The following BRME1 variants were observed in gnomAD, a reference collection of about 807,000 sequenced individuals.
BRME1 encodes the protein BRCA2 and MEILB2-associating protein 1.
A neutral mutation model predicts 52.6 loss-of-function variants in BRME1; 31 were observed. The observed-to-expected ratio is 0.59, with a 90% CI of 0.44 to 0.80. The LOEUF is 0.80. Among genes scored for constraint, BRME1 ranks in the 30% least tolerant of loss-of-function variants. The probability of loss-of-function intolerance (pLI) is 0.00; values close to 1 mark genes in which losing one functional copy is unlikely to be tolerated. For synonymous variants in BRME1, 359 were observed against 353.6 expected, an observed-to-expected ratio of 1.02 and a Z score of -0.17; for missense variants, 804 against 860.3, an observed-to-expected ratio of 0.93 and a Z score of 0.82.
At chr19:13,896,215 A>G (rs955685241) in intron 2 of BRME1, among the ~76,000 whole-genome samples, 5 of 151,820 alleles carry the variant, frequency 3.3e-5, no homozygotes, top group Non-Finnish European at 5.9e-5. Flanking sequence ...AGTTGCAGTG[A>G]GCTGAGATTG....
chr19:13,895,221 C>T (rs1039358947), intron 3 of BRME1, 151 bp downstream of exon 3: 9 of 720,246 alleles, frequency 1.2e-5, no homozygotes, highest in African/African-American at 1.1e-4. Flanking sequence ...CTAGGAGAAG[C>T]GAGATCCGAG....
At chr19:13,902,901 G>T (rs905436376) in intron 2 of BRME1, among the ~76,000 whole-genome samples, 1 of 151,518 alleles carries the variant, frequency 6.6e-6, no homozygotes, top group Non-Finnish European at 1.5e-5. Context: ...CTCCAGCCTG[G>T]GCAACAAGAG....
At chr19:13,891,394 C>G (rs1183351640) in intron 5 of BRME1, among the ~76,000 whole-genome samples, 1 of 151,958 alleles carries the variant, frequency 6.6e-6, no homozygotes, top group Non-Finnish European at 1.5e-5. Flanking sequence ...GGTGATCTGC[C>G]CATCTCGGCC....
intron 2 of BRME1, among the ~76,000 whole-genome samples, chr19:13,896,260 ACT>A (rs1273787865): frequency 6.6e-6 from 1 of 150,600 alleles, no homozygotes; most frequent in Non-Finnish European, 1.5e-5. Context: ...ACAGAGCGAG[ACT>A]CTGTCTCAAA....
At chr19:13,884,015 G>A (rs954724748) in intron 7 of BRME1, among the ~76,000 whole-genome samples, 2 of 151,952 alleles carry the variant, frequency 1.3e-5, no homozygotes, top group African/African-American at 4.8e-5. Context: ...TCAACTCTGT[G>A]TTTTGTCCCA....
intron 2 of BRME1, 94 bp from the exon 3 acceptor site, chr19:13,895,640 C>G: frequency 1.7e-6 from 2 of 1,143,604 alleles, no homozygotes; most frequent in Admixed American, 2.2e-5. Context: ...CCAGGCTGCA[C>G]GCGAGAAGGG....
At chr19:13,891,152 T>C (rs953254934) in intron 5 of BRME1, among the ~76,000 whole-genome samples, 1 of 150,656 alleles carries the variant, frequency 6.6e-6, no homozygotes, top group Non-Finnish European at 1.5e-5. Context: ...TTATTATTAT[T>C]ATTATTATTA....
chr19:13,889,275 G>T lies in BRME1; in HGVS notation c.1581C>A (p.Asp527Glu). The T allele has an allele frequency of 6.2e-7, 1 of 1,614,142 alleles. No homozygotes were observed. Among genetic ancestry groups the T allele is most frequent in the Non-Finnish European group, 8.5e-7 (1 of 1,180,038 alleles). The change falls in exon 6 of 9, where the codon GAC (aspartate) becomes GAA (glutamate). Residue 527 changes from aspartate to glutamate, a missense_variant. By Grantham distance (45) the Asp-to-Glu change is conservative. Around this residue, in one of 3 missense-constraint regions of BRME1, gnomAD observed 552 missense variants for 561.1 expected, o/e 0.98. Coordinates refer to ENST00000586783, the MANE Select transcript of BRME1 (RefSeq NM_001345843.2). Reference sequence around the variant, plus strand: ...GGAAGTCGAGTTCCACAGCTAAAGAGTCTGCCCAGGTGCCCTGGTCTGCAG... The same window carrying T: ...GGAAGTCGAGTTCCACAGCTAAAGATTCTGCCCAGGTGCCCTGGTCTGCAG... ...PHSADQGTWA[D>E]SLAVELDFLL...
intron 2 of BRME1, among the ~76,000 whole-genome samples, chr19:13,903,996 C>T (rs1342325438): frequency 1.3e-5 from 2 of 152,180 alleles, no homozygotes; most frequent in African/African-American, 2.4e-5. Context: ...CCCTGAAGCC[C>T]GGGGAGGCCT....
rs761798434 is a variant in BRME1, at chr19:13,889,183, C to G, written c.1668+5G>C. On this transcript the variant is annotated splice_donor_5th_base_variant and intron_variant, in intron 6 of 8. Coordinates refer to ENST00000586783, the MANE Select transcript of BRME1 (RefSeq NM_001345843.2). The stretch of plus-strand genomic sequence containing the variant: ...GGTATGTCTGTCACTCAGGGCAGCT[C>G]TCACCTGCTCAGGTGGGGCTTCGAA... 8 of 1,564,018 alleles carry G rather than the reference C, an allele frequency of 5.1e-6. No homozygotes were observed. Among genetic ancestry groups the G allele is most frequent in the Non-Finnish European group, 6.1e-6 (7 of 1,154,262 alleles).
At chr19:13,895,649 G>A in intron 2 of BRME1, 103 bp from the exon 3 acceptor site, 2 of 1,011,346 alleles carry the variant, frequency 2.0e-6, no homozygotes, top group Non-Finnish European at 3.0e-6. Flanking sequence ...ACGCGAGAAG[G>A]GGCCGAATCC....
In BRME1 at chr19:13,883,175, G is replaced by C; in HGVS notation, c.1856+133C>G. 1 of 977,294 alleles carries C rather than the reference G, an allele frequency of 1.0e-6. No individual in the cohort carries two copies. Among genetic ancestry groups the C allele is most frequent in the South Asian group, 1.6e-5 (1 of 63,220 alleles). 60.5% of individuals were successfully genotyped at this position (977,294 alleles called of 1,614,324 possible). A position where few individuals can be genotyped will look rare whatever the true frequency, so the allele number is the denominator to read the frequency against. On this transcript the variant is annotated intron_variant, in intron 8 of 8. Coordinates refer to ENST00000586783, the MANE Select transcript of BRME1 (RefSeq NM_001345843.2). The surrounding 1 kb of genome is among the most constrained non-coding windows in gnomAD (Gnocchi z 4.2). ...GGACGGGGGAGGGGGGCCACGGTGA[G>C]GACCCAGCAGCAGTGAGGTGCCTGA...
intron 3 of BRME1, among the ~76,000 whole-genome samples, chr19:13,894,565 G>A (rs1283547701): frequency 6.6e-6 from 1 of 151,996 alleles, no homozygotes; most frequent in Non-Finnish European, 1.5e-5. Flanking sequence ...ATATCGTTTT[G>A]TTTTGGCTAA....
At chr19:13,892,092 G>A (rs10417814) in intron 5 of BRME1, among the ~76,000 whole-genome samples, 49,464 of 150,408 alleles carry the variant, frequency 0.33, 10,741 homozygotes, top group African/African-American at 0.62. Context: ...AAAAATTATT[G>A]TAGAGACAGA....
Position 13,892,847 on chromosome 19 carries a change from T to C in BRME1, c.332A>G (p.Lys111Arg), listed in dbSNP as rs917474432. 2.5e-6 allele frequency: 4 copies of C among 1,614,094 alleles called. No individual in the cohort carries two copies. The African/African-American group carries it at 4.0e-5, about 16-fold the overall frequency. Residue 111 changes from lysine (K) to arginine (R), a missense_variant, in exon 5 of 9, where the codon AAG becomes AGG. By Grantham distance (26) the Lys-to-Arg change is conservative (BLOSUM62 2). Around this residue, in one of 3 missense-constraint regions of BRME1, gnomAD observed 234 missense variants for 258.1 expected, o/e 0.91. Transcript: ENST00000586783. ...RFVPQFAKSR[K>R]TVTRKEEMKD... The stretch of plus-strand genomic sequence containing the variant: ...CATCTCTTCTTTTCTTGTCACTGTC[T>C]TCCTGGATTTTGCAAACTGGGGAAC...
At position 13,889,826 on chromosome 19, in the gene BRME1, T is replaced by C. The variant is rs760291585; in HGVS notation, c.1030A>G (p.Thr344Ala). The C allele has an allele frequency of 3.1e-6, 5 of 1,613,062 alleles. No individual in the cohort carries two copies. The highest frequency in any genetic ancestry group is 2.5e-6 in the Non-Finnish European group (3 of 1,179,958). ...LGMVVIADLS[T>A]DPTELEERAL... ...CTCTCTTCCAGCTCAGTGGGGTCTG[T>C]GCTCAGGTCTGCGATGACAACCATC... is the stretch of plus-strand genomic sequence containing the variant. Residue 344 changes from threonine (T) to alanine (A), a missense_variant, in exon 6 of 9, where the codon ACA becomes GCA. Thr to Ala is a moderately conservative substitution (Grantham distance 58). Around this residue, in one of 3 missense-constraint regions of BRME1, gnomAD observed 552 missense variants for 561.1 expected, o/e 0.98. Transcript: ENST00000586783.
At position 13,882,634 on chromosome 19, in the gene BRME1, C is replaced by T. The variant is rs1182089226; in HGVS notation, c.*168G>A. 7 of 813,032 alleles carry T rather than the reference C, an allele frequency of 8.6e-6. No individual in the cohort carries two copies. The highest frequency in any genetic ancestry group is 1.4e-5 in the Non-Finnish European group (7 of 514,206). The allele number at this position is 813,032 out of a possible 1,614,324, so 50.4% of individuals were successfully genotyped here. ...GGTGGCAAATGACCTTGACCCTGGC[C>T]AGGTGAGGCCAGGACCTCACGGCCT... On this transcript the variant is annotated 3_prime_UTR_variant, in exon 9 of 9. Transcript: ENST00000586783.
chr19:13,882,831 G>A lies in BRME1; in HGVS notation c.1978C>T (p.Arg660Ter), dbSNP rs756994697. 14 of 1,613,888 alleles carry A rather than the reference G, an allele frequency of 8.7e-6. No individual in the cohort carries two copies. Among genetic ancestry groups the A allele is most frequent in the Admixed American group, 5.0e-5 (3 of 59,966 alleles). Residue 660 changes from arginine to a stop codon, truncating the protein, a stop_gained, in exon 9 of 9, where the codon CGA (arginine) becomes TGA (stop). Coordinates refer to ENST00000586783, the MANE Select transcript of BRME1 (RefSeq NM_001345843.2). LOFTEE classifies it high-confidence loss of function. Reference protein sequence around the residue: ...YPSKGPGNIPRGDPPWREL With the variant: ...YPSKGPGNIP The stretch of plus-strand genomic sequence containing the variant: ...AACTCCCTCCAGGGTGGGTCCCCTC[G>A]AGGGATATTCCCAGGCCCCTTGGAA...
chr19:13,883,229 C>G lies in BRME1; in HGVS notation c.1856+79G>C. 7.5e-7 allele frequency: 1 copy of G among 1,327,610 alleles called. No homozygotes were observed. The highest frequency in any genetic ancestry group is 1.3e-5 in the South Asian group (1 of 77,360). 82.2% of individuals were successfully genotyped at this position (1,327,610 alleles called of 1,614,324 possible). A position where few individuals can be genotyped will look rare whatever the true frequency, so the allele number is the denominator to read the frequency against. On this transcript the variant is annotated intron_variant, in intron 8 of 8. Coordinates refer to ENST00000586783, the MANE Select transcript of BRME1 (RefSeq NM_001345843.2). This position sits in a 1 kb window ranked among gnomAD's most constrained non-coding sequence, Gnocchi z 4.2. ...TCGCTGCCCACCTAGGGGCTTCACACTTCAGTCCCTCCCTGCTCCTCTGAG... is the reference window on the plus strand; with the variant it reads ...TCGCTGCCCACCTAGGGGCTTCACAGTTCAGTCCCTCCCTGCTCCTCTGAG...
Sources: allele counts gnomAD v4.1 joint callset (sites outside exome capture counted in the v4.1 genomes callset), GRCh38; gene constraint gnomAD v4.1.1; regional missense constraint gnomAD v4.1.1; non-coding constraint Gnocchi (gnomAD v3.1); transcripts MANE v1.5; gene names NCBI Gene and HGNC (gene_info 2026-07-23, HGNC 2026-07-21).